The following ERBB4 variants were observed in gnomAD, a reference collection of about 807,000 sequenced individuals.
The protein encoded by ERBB4 is erb-b2 receptor tyrosine kinase 4.
A neutral mutation model predicts 158.0 loss-of-function variants in ERBB4; 42 were observed. The ratio of observed to expected loss-of-function variants is 0.27; its 90% confidence interval spans 0.21 to 0.34. ERBB4 has a LOEUF of 0.34. ERBB4 is among the 10% of genes least tolerant of loss of function. The probability of loss-of-function intolerance (pLI) is 1.00; values close to 1 mark genes in which losing one functional copy is unlikely to be tolerated. For synonymous variants in ERBB4, 583 were observed against 558.7 expected, an observed-to-expected ratio of 1.04 and a Z score of -0.61; for missense variants, 1,333 against 1,624.1, an observed-to-expected ratio of 0.82 and a Z score of 3.08.
chr2:212,393,875 A>G, intron 1 of ERBB4, among the ~76,000 whole-genome samples: 1 of 152,124 alleles, frequency 6.6e-6, no homozygotes, highest in East Asian at 1.9e-4. Context: ...AAAAGAAGTC[A>G]TTTGTTCCAC....
At chr2:211,929,680 G>A (rs1055536155) in intron 3 of ERBB4, among the ~76,000 whole-genome samples, 9 of 152,062 alleles carry the variant, frequency 5.9e-5, no homozygotes, top group South Asian at 2.1e-4. Flanking sequence ...GCCAAATATC[G>A]TTTCTGACCA....
At chr2:211,994,294 C>T (rs1194028290) in intron 2 of ERBB4, among the ~76,000 whole-genome samples, 9 of 151,450 alleles carry the variant, frequency 5.9e-5, no homozygotes, top group Admixed American at 5.9e-4. Flanking sequence ...CCACACTCAG[C>T]TAATTAAAAA....
chr2:211,487,191 C>T (rs1462808513), intron 20 of ERBB4, among the ~76,000 whole-genome samples: 2 of 141,222 alleles, frequency 1.4e-5, no homozygotes, highest in Non-Finnish European at 3.0e-5. Flanking sequence ...GTTCCCCTTC[C>T]TGTGTCCAAG....
intron 2 of ERBB4, among the ~76,000 whole-genome samples, chr2:212,104,618 A>C (rs528569897): frequency 6.6e-6 from 1 of 151,924 alleles, no homozygotes; most frequent in Non-Finnish European, 1.5e-5. Flanking sequence ...GGAGTTAAAG[A>C]CTCTGCCTAA....
chr2:211,506,304 T>C (rs2065748470), intron 20 of ERBB4, among the ~76,000 whole-genome samples: 1 of 152,008 alleles, frequency 6.6e-6, no homozygotes, highest in South Asian at 2.1e-4. Context: ...AGTAATCCAA[T>C]AATAATGGGG....
chr2:211,707,727 A>T (rs2073503689), intron 9 of ERBB4, among the ~76,000 whole-genome samples: 1 of 152,158 alleles, frequency 6.6e-6, no homozygotes, highest in Admixed American at 6.5e-5. Context: ...TTCCCATTCT[A>T]AATAAGAAAA....
intron 3 of ERBB4, 109 bp from the exon 4 acceptor site, chr2:211,788,268 A>T (rs535308946): frequency 2.6e-6 from 2 of 765,928 alleles, no homozygotes; most frequent in Admixed American, 4.2e-5. Context: ...AATTAGAGTC[A>T]TGTTGCTAAT....
chr2:211,855,663 G>C (rs1427187782), intron 3 of ERBB4, among the ~76,000 whole-genome samples: 1 of 151,916 alleles, frequency 6.6e-6, no homozygotes, highest in Non-Finnish European at 1.5e-5. Flanking sequence ...CTATTTCTCT[G>C]CCCTTTTACC....
chr2:211,863,932 A>G (rs572505408), intron 3 of ERBB4, among the ~76,000 whole-genome samples: 23 of 152,044 alleles, frequency 1.5e-4, no homozygotes, highest in South Asian at 1.5e-3. Context: ...CTTTTTCTTG[A>G]CCCTCTGCTT....
chr2:211,740,831 C>T (rs2074768896), intron 5 of ERBB4, among the ~76,000 whole-genome samples: 2 of 151,856 alleles, frequency 1.3e-5, no homozygotes, highest in Non-Finnish European at 2.9e-5. Context: ...AGGATGGTCT[C>T]GATCTCCTGA....
intron 1 of ERBB4, among the ~76,000 whole-genome samples, chr2:212,352,066 A>G (rs1334135362): frequency 6.6e-6 from 1 of 152,188 alleles, no homozygotes. Flanking sequence ...TAATGCTGGA[A>G]AAGTAAACCA....
At chr2:212,071,683 T>C (rs1332599567) in intron 2 of ERBB4, among the ~76,000 whole-genome samples, 1 of 152,010 alleles carries the variant, frequency 6.6e-6, no homozygotes. Context: ...CTCATTTGTC[T>C]TTTTGGTTTT....
chr2:212,232,262 A>T (rs757639611), intron 1 of ERBB4, among the ~76,000 whole-genome samples: 3 of 152,190 alleles, frequency 2.0e-5, no homozygotes, highest in Non-Finnish European at 2.9e-5. Flanking sequence ...TAAATATTCT[A>T]ACCTTAATGG....
chr2:212,446,626 T>TGG (rs1560347728), intron 1 of ERBB4, among the ~76,000 whole-genome samples: 1 of 84,322 alleles, frequency 1.2e-5, no homozygotes, highest in Non-Finnish European at 2.5e-5. Context: ...TATATATATA[T>TGG]ATATATATAT....
intron 1 of ERBB4, among the ~76,000 whole-genome samples, chr2:212,384,489 A>G (rs886931977): frequency 3.3e-5 from 5 of 151,696 alleles, no homozygotes; most frequent in Non-Finnish European, 7.4e-5. Flanking sequence ...CTGCTTCCAA[A>G]GAGACAAATT....
At position 212,286,278 on chromosome 2, in the gene ERBB4, C is replaced by T. The variant is rs569830961; in HGVS notation, c.83-161375G>A. 4.6e-5 allele frequency among the ~76,000 whole-genome samples: 7 copies of T among 152,194 alleles called. No homozygotes were observed. In the East Asian group the frequency reaches 1.4e-3, roughly 29 times the overall value. ...ATCAGAAGGAAATTATTTTTTAAAA[C>T]AGTACAAATATTTTAAGTGGGCCTA... is the stretch of plus-strand genomic sequence containing the variant. On this transcript the variant is annotated intron_variant, in intron 1 of 27. Coordinates refer to ENST00000342788, the MANE Select transcript of ERBB4 (RefSeq NM_005235.3).
chr2:211,436,311 C>A (rs371422366), intron 20 of ERBB4, among the ~76,000 whole-genome samples: 39 of 152,260 alleles, frequency 2.6e-4, no homozygotes, highest in African/African-American at 8.7e-4. Flanking sequence ...ACAGACTGTT[C>A]TTATTTTGGT....
intron 20 of ERBB4, among the ~76,000 whole-genome samples, chr2:211,519,164 T>C (rs2066122379): frequency 6.6e-6 from 1 of 152,118 alleles, no homozygotes; most frequent in African/African-American, 2.4e-5. Context: ...TGGTAAATGA[T>C]GACAAATTAT....
In ERBB4 at chr2:212,514,898, G is replaced by A. The variant is rs138999070; in HGVS notation, c.82+23551C>T. On this transcript the variant is annotated intron_variant, in intron 1 of 27. Coordinates refer to ENST00000342788, the MANE Select transcript of ERBB4 (RefSeq NM_005235.3). ...AGGGAGAAAGCAACAACATGGAGTCGGTCACAAATACATATTATTGCAAAC... is the reference window on the plus strand; with the variant it reads ...AGGGAGAAAGCAACAACATGGAGTCAGTCACAAATACATATTATTGCAAAC... Among the ~76,000 whole-genome samples the A allele has an allele frequency of 5.8e-3, 875 of 151,972 alleles. 4 individuals are homozygous for A. The highest frequency in any genetic ancestry group is 0.02 in the African/African-American group (821 of 41,456).
Sources: allele counts gnomAD v4.1 joint callset (sites outside exome capture counted in the v4.1 genomes callset), GRCh38; gene constraint gnomAD v4.1.1; transcripts MANE v1.5; gene names NCBI Gene and HGNC (gene_info 2026-07-23, HGNC 2026-07-21).